GPR146: variants seen among roughly 807,000 people sequenced by gnomAD.
The protein encoded by GPR146 is G-protein coupled receptor 146.
For synonymous variants in GPR146, 203 were observed against 104.3 expected (o/e 1.95, Z -5.77); for missense variants, 381 against 213.9 (o/e 1.78, Z -4.87).
At chr7:1,049,906 T>C (rs983643605) in intron 1 of GPR146, among the ~76,000 whole-genome samples, 3 of 152,142 alleles carry the variant, frequency 2.0e-5, no homozygotes, top group African/African-American at 7.2e-5. Context: ...TGGGCCCTCC[T>C]GATTGCCTCC....
intron 1 of GPR146, among the ~76,000 whole-genome samples, chr7:1,046,184 A>T (rs989698046): frequency 6.6e-6 from 1 of 152,190 alleles, no homozygotes; most frequent in African/African-American, 2.4e-5. Context: ...TGGGGCAGGG[A>T]GAAGAAGGGG....
At chr7:1,048,631 T>C (rs1782807238) in intron 1 of GPR146, among the ~76,000 whole-genome samples, 1 of 152,172 alleles carries the variant, frequency 6.6e-6, no homozygotes, top group Non-Finnish European at 1.5e-5. Flanking sequence ...AGACATTCAT[T>C]ATTAACAGAC....
chr7:1,046,339 C>A (rs1782577422), intron 1 of GPR146, among the ~76,000 whole-genome samples: 1 of 152,188 alleles, frequency 6.6e-6, no homozygotes, highest in Admixed American at 6.5e-5. Context: ...ACCCGGCCGA[C>A]CGTGTCATGC....
chr7:1,046,615 TGCCCGG>T lies in GPR146; in HGVS notation c.-25+1959_-25+1964del, dbSNP rs1452574335. 3.3e-5 allele frequency among the ~76,000 whole-genome samples: 5 copies of T among 152,314 alleles called. No individual in the cohort carries two copies. The East Asian group carries it at 9.6e-4, about 29-fold the overall frequency. On this transcript the variant is annotated intron_variant, in intron 1 of 1. Transcript: ENST00000444847. ...AATTTGAGATCCCAAAATGAGATGC[TGCCCGG>T]GACCAGAAGTCAGTTTCTTAGGAGC... is the stretch of plus-strand genomic sequence containing the variant.
chr7:1,058,477 G>A lies in GPR146; in HGVS notation c.962G>A (p.Cys321Tyr), dbSNP rs765655313. The change falls in exon 2 of 2, where the codon TGC becomes TAC. Residue 321 changes from cysteine to tyrosine, a missense_variant. Cys to Tyr is a radical substitution (Grantham distance 194). Coordinates refer to ENST00000444847, the MANE Select transcript of GPR146 (RefSeq NM_001303473.2). ...MKKLPCGDRHCSPDHMGVQQV... is the reference protein window; with the variant it reads ...MKKLPCGDRHYSPDHMGVQQV... The stretch of plus-strand genomic sequence containing the variant: ...AAGCTGCCCTGCGGGGACCGGCACT[G>A]CTCCCCGGACCACATGGGGGTGCAG... The A allele has an allele frequency of 2.6e-6, 2 of 780,266 alleles. No homozygotes were observed. Among genetic ancestry groups the A allele is most frequent in the Non-Finnish European group, 4.8e-6 (2 of 418,112 alleles). 48.3% of individuals were successfully genotyped at this position (780,266 alleles called of 1,614,324 possible). A position where few individuals can be genotyped will look rare whatever the true frequency, so the allele number is the denominator to read the frequency against.
chr7:1,044,591 CCCGCCGCCT>C lies in GPR146; in HGVS notation c.-86_-78del, dbSNP rs1454751893. On this transcript the variant is annotated 5_prime_UTR_variant, in exon 1 of 2. Transcript: ENST00000444847. ...CCCGGGCGGCGTGCGCGCCGTGAGC[CCCGCCGCCT>C]CCGCCAGCCCGAGCTGCCCGCCCGG... 6.6e-6 allele frequency: 1 copy of C among 150,790 alleles called. No individual in the cohort carries two copies. The highest frequency in any genetic ancestry group is 1.5e-5 in the Non-Finnish European group (1 of 67,558). 9.3% of individuals were successfully genotyped at this position (150,790 alleles called of 1,614,324 possible).
At chr7:1,047,404 C>G (rs577989963) in intron 1 of GPR146, among the ~76,000 whole-genome samples, 107 of 152,352 alleles carry the variant, frequency 7.0e-4, no homozygotes, top group African/African-American at 2.4e-3. Flanking sequence ...AAATCAAAAC[C>G]ATCCACCTAT....
At chr7:1,054,871 C>G (rs1783561092) in intron 1 of GPR146, among the ~76,000 whole-genome samples, 1 of 152,246 alleles carries the variant, frequency 6.6e-6, no homozygotes, top group African/African-American at 2.4e-5. Flanking sequence ...CGCTGTGCCT[C>G]TGAGGACTCC....
chr7:1,052,161 C>G lies in GPR146; in HGVS notation c.-24-5331C>G, dbSNP rs962490509. ...GCCTGCAGCCCCTCCCCTCCTGGCC[C>G]GAGATGCTGTCATTGTCCCTAAGAG... On this transcript the variant is annotated intron_variant, in intron 1 of 1. Coordinates refer to ENST00000444847, the MANE Select transcript of GPR146 (RefSeq NM_001303473.2). The surrounding 1 kb of genome is among the most constrained non-coding windows in gnomAD (Gnocchi z 4.2). 6.6e-6 allele frequency among the ~76,000 whole-genome samples: 1 copy of G among 152,252 alleles called. No individual in the cohort carries two copies. The highest frequency in any genetic ancestry group is 6.5e-5 in the Admixed American group (1 of 15,286).
rs113698243 is a variant in GPR146, at chr7:1,057,487, C to T, written c.-24-5C>T. 4.0e-4 allele frequency: 294 copies of T among 736,474 alleles called. 2 individuals carry two copies. The highest frequency in any genetic ancestry group is 3.8e-3 in the African/African-American group (224 of 58,838). 45.6% of individuals were successfully genotyped at this position (736,474 alleles called of 1,614,324 possible). On this transcript the variant is annotated splice_region_variant and splice_polypyrimidine_tract_variant and intron_variant, in intron 1 of 1. Coordinates refer to ENST00000444847, the MANE Select transcript of GPR146 (RefSeq NM_001303473.2). ...GAGCTGACCACCTGTTCCTTCTTTC[C>T]GCAGGGTCGCGGAGCCTCGCCGGCC...
chr7:1,051,460 C>T (rs1486170550), intron 1 of GPR146, among the ~76,000 whole-genome samples: 3 of 152,244 alleles, frequency 2.0e-5, no homozygotes, highest in Middle Eastern at 3.2e-3. Flanking sequence ...ACTCTGAGGC[C>T]AGCCCTGGGC....
intron 1 of GPR146, among the ~76,000 whole-genome samples, chr7:1,053,825 T>TA (rs1274461981): frequency 2.2e-4 from 34 of 152,098 alleles, no homozygotes; most frequent in African/African-American, 8.2e-4. Context: ...AGACTCCATC[T>TA]CAAAAAAACA....
At chr7:1,054,012 G>C (rs1359697703) in intron 1 of GPR146, among the ~76,000 whole-genome samples, 1 of 152,226 alleles carries the variant, frequency 6.6e-6, no homozygotes, top group Non-Finnish European at 1.5e-5. Context: ...GCGTGGCCGA[G>C]GAAGGGGTTT....
At position 1,058,314 on chromosome 7, in the gene GPR146, G is replaced by T; in HGVS notation, c.799G>T (p.Asp267Tyr). The T allele has an allele frequency of 1.3e-6, 1 of 776,270 alleles. No individual in the cohort carries two copies. The highest frequency in any genetic ancestry group is 2.4e-6 in the Non-Finnish European group (1 of 418,094). 48.1% of individuals were successfully genotyped at this position (776,270 alleles called of 1,614,324 possible). ...TVIISRGKPV[D>Y]AHYLGLLHFV... Reference sequence around the variant, plus strand: ...CATCATCTCGCGAGGGAAGCCCGTGGACGCACACTACCTGGGGCTACTGCA... The same window carrying T: ...CATCATCTCGCGAGGGAAGCCCGTGTACGCACACTACCTGGGGCTACTGCA... The change falls in exon 2 of 2, where the codon GAC becomes TAC. Residue 267 changes from aspartate to tyrosine, a missense_variant. Asp to Tyr is a radical substitution (Grantham distance 160). Transcript: ENST00000444847.
chr7:1,047,242 C>G (rs1395908072), intron 1 of GPR146, among the ~76,000 whole-genome samples: 1 of 152,204 alleles, frequency 6.6e-6, no homozygotes, highest in East Asian at 1.9e-4. Context: ...TGCTTGGTCT[C>G]AGGCCCCCAG....
At position 1,052,827 on chromosome 7, in the gene GPR146, G is replaced by A. The variant is rs1465900427; in HGVS notation, c.-24-4665G>A. ...AGAGGGACCTGCAGCATGGGGTTGG[G>A]GGGCAGGCGGCCCTTCTCTGTGGTC... is the stretch of plus-strand genomic sequence containing the variant. On this transcript the variant is annotated intron_variant, in intron 1 of 1. Coordinates refer to ENST00000444847, the MANE Select transcript of GPR146 (RefSeq NM_001303473.2). The surrounding 1 kb of genome is among the most constrained non-coding windows in gnomAD (Gnocchi z 4.2). 6.6e-6 allele frequency among the ~76,000 whole-genome samples: 1 copy of A among 152,146 alleles called. No homozygotes were observed. The highest frequency in any genetic ancestry group is 1.5e-5 in the Non-Finnish European group (1 of 68,014).
At position 1,057,495 on chromosome 7, in the gene GPR146, C is replaced by T. The variant is rs143812179; in HGVS notation, c.-21C>T. ...CACCTGTTCCTTCTTTCCGCAGGGT[C>T]GCGGAGCCTCGCCGGCCGCCATGTG... On this transcript the variant is annotated 5_prime_UTR_variant, in exon 2 of 2. Coordinates refer to ENST00000444847, the MANE Select transcript of GPR146 (RefSeq NM_001303473.2). 1.2e-3 allele frequency: 928 copies of T among 749,548 alleles called. 17 individuals carry two copies. In the East Asian group the frequency reaches 0.018, roughly 15 times the overall value. 46.4% of individuals were successfully genotyped at this position (749,548 alleles called of 1,614,324 possible).
intron 1 of GPR146, among the ~76,000 whole-genome samples, chr7:1,051,029 C>T (rs1462860067): frequency 1.3e-5 from 2 of 152,182 alleles, no homozygotes; most frequent in Non-Finnish European, 2.9e-5. Flanking sequence ...GGTGGGAGTG[C>T]GCAGCCCCGC....
At chr7:1,050,898 G>A (rs908554329) in intron 1 of GPR146, among the ~76,000 whole-genome samples, 1 of 152,196 alleles carries the variant, frequency 6.6e-6, no homozygotes, top group Non-Finnish European at 1.5e-5. Context: ...CTCTACCCCT[G>A]TCCTTCCCAG....
Sources: gnomAD v4.1 joint callset for allele counts (sites outside exome capture counted in the v4.1 genomes callset) on GRCh38, gnomAD v4.1.1 for gene constraint, Gnocchi (gnomAD v3.1) non-coding constraint, MANE v1.5 for transcripts, NCBI Gene and HGNC (gene_info 2026-07-23, HGNC 2026-07-21) for gene names.